BACE2: variants seen among roughly 807,000 people sequenced by gnomAD.
The protein encoded by BACE2 is beta-secretase 2.
BACE2 carries 17 observed loss-of-function variants against 46.2 expected under a neutral mutation model. That is an observed-to-expected ratio of 0.37 (90% confidence interval 0.25 to 0.55). The LOEUF (loss-of-function observed/expected upper bound fraction) is 0.55, where lower values mean the gene tolerates loss of function less well. Ranked by LOEUF, BACE2 falls within the 20% of genes least tolerant of loss-of-function variation. BACE2 has a pLI of 0.82. For missense variants in BACE2, 595 were observed against 698.1 expected, an observed-to-expected ratio of 0.85 and a Z score of 1.66; for synonymous variants, 277 against 295.9, an observed-to-expected ratio of 0.94 and a Z score of 0.66.
chr21:41,274,311 A>G (rs370562149), intron 8 of BACE2, among the ~76,000 whole-genome samples: 2 of 151,990 alleles, frequency 1.3e-5, no homozygotes, highest in Admixed American at 1.3e-4. Context: ...CTGATTTTAA[A>G]ACCATTCTTT....
rs566211437 is a variant in BACE2 at position 41,168,363 on chromosome 21, C to G, written c.100C>G (p.Arg34Gly). ...LAPAPFTLPL[R>G]VAAATNRVVA... is the part of the protein sequence containing the mutation. ...CCCCGCGCCCTTCACGCTGCCCCTC[C>G]GGGTGGCCGCGGCCACGAACCGCGT... is the stretch of plus-strand genomic sequence containing the variant. The change falls in exon 1 of 9, where the codon CGG becomes GGG. Residue 34 changes from arginine (R) to glycine (G), a missense_variant. Arg to Gly is a moderately radical substitution (Grantham distance 125, BLOSUM62 -2). Coordinates refer to ENST00000330333, the MANE Select transcript of BACE2 (RefSeq NM_012105.5). 2.0e-3 allele frequency: 2,763 copies of G among 1,392,618 alleles called. 3 individuals are homozygous for G. The highest frequency in any genetic ancestry group is 2.9e-3 in the Admixed American group (94 of 32,196). 86.3% of individuals were successfully genotyped at this position (1,392,618 alleles called of 1,614,324 possible). A position where few individuals can be genotyped will look rare whatever the true frequency, so the allele number is the denominator to read the frequency against.
intron 5 of BACE2, among the ~76,000 whole-genome samples, chr21:41,245,472 C>T (rs1478878292): frequency 1.3e-5 from 2 of 152,224 alleles, no homozygotes; most frequent in African/African-American, 2.4e-5. Flanking sequence ...TGCACTGTGG[C>T]CCTGGTTCTG....
chr21:41,170,538 G>C (rs1046867796), intron 1 of BACE2, among the ~76,000 whole-genome samples: 1 of 152,182 alleles, frequency 6.6e-6, no homozygotes, highest in Non-Finnish European at 1.5e-5. Flanking sequence ...GTAAAGTCAG[G>C]CTTTCCTGAC....
At chr21:41,176,718 A>AG (rs1385414692) in intron 1 of BACE2, 1 of 152,176 alleles carries the variant, frequency 6.6e-6, no homozygotes, top group Non-Finnish European at 1.5e-5. Flanking sequence ...AGTTTTTTCT[A>AG]GGGGTCTCAT....
chr21:41,257,838 T>A (rs377455288), intron 8 of BACE2, among the ~76,000 whole-genome samples: 26 of 152,186 alleles, frequency 1.7e-4, no homozygotes, highest in East Asian at 7.7e-4. Flanking sequence ...GACTCTGCAG[T>A]CTAGCTGGAG....
At chr21:41,195,217 A>G in intron 1 of BACE2, among the ~76,000 whole-genome samples, 1 of 152,262 alleles carries the variant, frequency 6.6e-6, no homozygotes, top group Non-Finnish European at 1.5e-5. Flanking sequence ...ATGCCGTCTC[A>G]CCAAAGCCTA....
chr21:41,200,949 C>G (rs1985946727), intron 1 of BACE2, among the ~76,000 whole-genome samples: 1 of 152,198 alleles, frequency 6.6e-6, no homozygotes, highest in African/African-American at 2.4e-5. Flanking sequence ...CCACTTCTGA[C>G]CTAGGCCCTG....
chr21:41,233,851 TTA>T (rs1987034268), intron 2 of BACE2, among the ~76,000 whole-genome samples: 1 of 152,060 alleles, frequency 6.6e-6, no homozygotes, highest in African/African-American at 2.4e-5. Flanking sequence ...ATCCCAGCTA[TTA>T]GGGAGGCTGA....
chr21:41,275,388 G>C lies in BACE2; in HGVS notation c.1321G>C (p.Val441Leu), dbSNP rs770603100. The C allele has an allele frequency of 1.2e-6, 2 of 1,614,190 alleles. No homozygotes were observed. Among genetic ancestry groups the C allele is most frequent in the Non-Finnish European group, 1.7e-6 (2 of 1,180,038 alleles). ...SPCAEIAGAA[V>L]SEISGPFSTE... ...CTCCCCAGAAATTGCAGGTGCTGCA[G>C]TGTCTGAAATTTCCGGGCCTTTCTC... Residue 441 changes from valine (V) to leucine (L), a missense_variant, in exon 9 of 9, where the codon GTG becomes CTG. Transcript: ENST00000330333.
chr21:41,254,498 C>T (rs1013653541), intron 7 of BACE2, among the ~76,000 whole-genome samples: 5 of 152,236 alleles, frequency 3.3e-5, no homozygotes, highest in Non-Finnish European at 5.9e-5. Context: ...CTAATCATTA[C>T]TCACAGGAAG....
At chr21:41,215,533 G>C (rs1345919243) in intron 1 of BACE2, among the ~76,000 whole-genome samples, 1 of 152,242 alleles carries the variant, frequency 6.6e-6, no homozygotes, top group African/African-American at 2.4e-5. Flanking sequence ...GGTTGGAGTA[G>C]TTAAAAGCCA....
intron 1 of BACE2, among the ~76,000 whole-genome samples, chr21:41,211,932 C>T (rs934836926): frequency 6.6e-6 from 1 of 152,236 alleles, no homozygotes; most frequent in African/African-American, 2.4e-5. Flanking sequence ...GAGACGTCCA[C>T]AGTCTGTTTA....
In BACE2 at chr21:41,275,928, TA is replaced by T; in HGVS notation, c.*308del. 2.9e-6 allele frequency: 1 copy of T among 342,794 alleles called. No individual in the cohort carries two copies. Among genetic ancestry groups the T allele is most frequent in the Non-Finnish European group, 5.4e-6 (1 of 186,614 alleles). 21.2% of individuals were successfully genotyped at this position (342,794 alleles called of 1,614,324 possible). On this transcript the variant is annotated 3_prime_UTR_variant, in exon 9 of 9. Coordinates refer to ENST00000330333, the MANE Select transcript of BACE2 (RefSeq NM_012105.5). ...AAAGTGTCTACATGTGCCACCAACA[TA>T]AAACAAAACCAAGCCTTGGCTCGTT...
chr21:41,245,035 T>C (rs1437843546), intron 5 of BACE2, among the ~76,000 whole-genome samples: 1 of 152,060 alleles, frequency 6.6e-6, no homozygotes, highest in African/African-American at 2.4e-5. Context: ...AGCGCAACAT[T>C]TCAGTTTGCA....
At chr21:41,173,697 G>C (rs1467283004) in intron 1 of BACE2, among the ~76,000 whole-genome samples, 1 of 152,138 alleles carries the variant, frequency 6.6e-6, no homozygotes, top group African/African-American at 2.4e-5. Flanking sequence ...AGTGAGCCGA[G>C]ATCGTGTCAC....
chr21:41,233,996 G>A lies in BACE2; in HGVS notation c.402-3517G>A, dbSNP rs117641202. ...AACGATTACTCTACCAGACCAGGTA[G>A]TATGGTTTGGCTGTGACCCCACTCA... is the stretch of plus-strand genomic sequence containing the variant. On this transcript the variant is annotated intron_variant, in intron 2 of 8. Coordinates refer to ENST00000330333, the MANE Select transcript of BACE2 (RefSeq NM_012105.5). Among the ~76,000 whole-genome samples the A allele has an allele frequency of 5.7e-4, 87 of 152,318 alleles. 1 individual carries two copies. The East Asian group carries it at 0.016, about 29-fold the overall frequency.
At chr21:41,225,375 G>A (rs1986784277) in intron 1 of BACE2, 1 of 152,116 alleles carries the variant, frequency 6.6e-6, no homozygotes, top group Admixed American at 6.5e-5. Flanking sequence ...CCTCAAAATG[G>A]ACACAACTCA....
intron 1 of BACE2, among the ~76,000 whole-genome samples, chr21:41,214,398 C>G (rs1986391788): frequency 6.6e-6 from 1 of 152,192 alleles, no homozygotes; most frequent in Admixed American, 6.5e-5. Flanking sequence ...ATGGTCATCC[C>G]TCTTTTATAA....
rs138316153 is a variant in BACE2, at chr21:41,250,805, G to A, written c.1038G>A (p.Thr346=). 7 of 1,614,170 alleles carry A rather than the reference G, an allele frequency of 4.3e-6. No individual in the cohort carries two copies. The highest frequency in any genetic ancestry group is 2.2e-5 in the East Asian group (1 of 44,880). ...FWTGSQLACW[T]NSETPWSYFP... ...CTGGGTCCCAGCTGGCGTGCTGGAC[G>A]AATTCGGAAACACCTTGGTCTTACT... is the stretch of plus-strand genomic sequence containing the variant. Residue 346 remains threonine, a synonymous_variant, in exon 7 of 9, where the codon ACG becomes ACA. Transcript: ENST00000330333.
Sources: allele counts gnomAD v4.1 joint callset (sites outside exome capture counted in the v4.1 genomes callset), GRCh38; gene constraint gnomAD v4.1.1; transcripts MANE v1.5; gene names NCBI Gene and HGNC (gene_info 2026-07-23, HGNC 2026-07-21).